Variants in ANK3 observed in about 807,000 individuals in gnomAD.
ANK3 encodes the protein ankyrin-3.
ANK3 carries 57 observed loss-of-function variants against 370.9 expected under a neutral mutation model. The ratio of observed to expected loss-of-function variants is 0.15; its 90% CI spans 0.12 to 0.19. The LOEUF is 0.19. Ranked by LOEUF, ANK3 falls within the 10% of genes least tolerant of loss-of-function variation. The probability of loss-of-function intolerance (pLI) is 1.00; values close to 1 mark genes in which losing one functional copy is unlikely to be tolerated. For synonymous variants in ANK3, 1,929 were observed against 1,946.3 expected, an observed-to-expected ratio of 0.99 and a Z score of 0.23; for missense variants, 4,439 against 5,302.1, an observed-to-expected ratio of 0.84 and a Z score of 5.06.
intron 27 of ANK3, among the ~76,000 whole-genome samples, chr10:60,106,659 T>C (rs1029190284): frequency 5.9e-5 from 9 of 152,162 alleles, no homozygotes; most frequent in South Asian, 4.1e-4. Context: ...ATAACCTGCA[T>C]AGGAATACTT....
intron 25 of ANK3, among the ~76,000 whole-genome samples, chr10:60,117,925 T>G (rs561712624): frequency 6.6e-6 from 1 of 152,214 alleles, no homozygotes; most frequent in African/African-American, 2.4e-5. Context: ...AAATTACAAC[T>G]GTTTGCGGAA....
At chr10:60,323,008 A>G (rs144015089) in intron 1 of ANK3, among the ~76,000 whole-genome samples, 1 of 152,228 alleles carries the variant, frequency 6.6e-6, no homozygotes, top group African/African-American at 2.4e-5. Flanking sequence ...TGCCCATTTG[A>G]CATCTATCTT....
At chr10:60,352,271 G>T (rs1053813936) in intron 1 of ANK3, among the ~76,000 whole-genome samples, 9 of 152,190 alleles carry the variant, frequency 5.9e-5, no homozygotes, top group Non-Finnish European at 2.9e-5. Flanking sequence ...ACTCCATCCA[G>T]CCTGGGTGAC....
intron 7 of ANK3, among the ~76,000 whole-genome samples, chr10:60,237,006 G>A (rs2097343846): frequency 6.6e-6 from 1 of 152,226 alleles, no homozygotes; most frequent in Admixed American, 6.5e-5. Flanking sequence ...GATTTGGCCT[G>A]TGGGCAGTGG....
In ANK3 at chr10:60,389,288, T is replaced by C. The variant is rs545067165; in HGVS notation, c.114+137A>G. 55 of 787,852 alleles carry C rather than the reference T, an allele frequency of 7.0e-5. 2 individuals carry two copies. In the South Asian group the frequency reaches 1.0e-3, roughly 14 times the overall value. 48.8% of individuals were successfully genotyped at this position (787,852 alleles called of 1,614,324 possible). A position where few individuals can be genotyped will look rare whatever the true frequency, so the allele number is the denominator to read the frequency against. ...CCATGTTCTGCCATAGGGTTTATCA[T>C]CTGTTCCCAATTTACACACCCAATT... is the stretch of plus-strand genomic sequence containing the variant. On this transcript the variant is annotated intron_variant, in intron 1 of 43. Coordinates refer to ENST00000280772, the MANE Select transcript of ANK3 (RefSeq NM_020987.5).
chr10:60,204,241 T>G (rs2096727374), intron 11 of ANK3, among the ~76,000 whole-genome samples: 1 of 152,206 alleles, frequency 6.6e-6, no homozygotes, highest in Non-Finnish European at 1.5e-5. Context: ...GGGGGAGTAG[T>G]TAGAGCTTGT....
chr10:60,577,690 CTTT>C (rs2077700313), intron 2 of ANK3, among the ~76,000 whole-genome samples: 2 of 152,084 alleles, frequency 1.3e-5, no homozygotes, highest in African/African-American at 4.8e-5. Flanking sequence ...TCAGGTGTGT[CTTT>C]ATCAGCAGCA....
chr10:60,559,907 G>C (rs535545481), intron 2 of ANK3, among the ~76,000 whole-genome samples: 24 of 152,076 alleles, frequency 1.6e-4, no homozygotes, highest in African/African-American at 5.6e-4. Context: ...GCCAGGTATG[G>C]TAGTGGGTGC....
chr10:60,574,599 G>A (rs2077659991), intron 2 of ANK3, among the ~76,000 whole-genome samples: 1 of 152,282 alleles, frequency 6.6e-6, no homozygotes, highest in South Asian at 2.1e-4. Context: ...TTCAACCCTT[G>A]CTCATCTTCA....
At position 60,086,648 on chromosome 10, in the gene ANK3, T is replaced by C. The variant is rs954108050; in HGVS notation, c.3748+29A>G. On this transcript the variant is annotated intron_variant, in intron 30 of 43. Transcript: ENST00000280772. ...TTTGTACACAATCTTTGTGAATCAA[T>C]AGGAAGTACAGCAGTGACTTAACCA... 4.5e-6 allele frequency: 7 copies of C among 1,563,634 alleles called. No homozygotes were observed. The East Asian group carries it at 1.4e-4, about 30-fold the overall frequency.
At chr10:60,062,924 A>G in intron 40 of ANK3, 187 bp downstream of exon 40, 1 of 541,212 alleles carries the variant, frequency 1.8e-6, no homozygotes, top group Non-Finnish European at 3.2e-6. Context: ...TTTATATTGT[A>G]TATAAACAGA....
At chr10:60,052,987 T>C (rs1209922544) in intron 42 of ANK3, among the ~76,000 whole-genome samples, 2 of 152,218 alleles carry the variant, frequency 1.3e-5, no homozygotes, top group Non-Finnish European at 2.9e-5. Flanking sequence ...CTATCAGCCT[T>C]GACTTTACAG....
intron 42 of ANK3, chr10:60,044,351 A>G: frequency 1.0e-6 from 1 of 982,700 alleles, no homozygotes; most frequent in Non-Finnish European, 1.2e-6. Context: ...TCCTCTCCCT[A>G]AAGGATGTGG....
At chr10:60,420,827 C>G (rs1448790611) in intron 2 of ANK3, among the ~76,000 whole-genome samples, 1 of 151,998 alleles carries the variant, frequency 6.6e-6, no homozygotes, top group African/African-American at 2.4e-5. Flanking sequence ...AAGAATTACC[C>G]TATTACCTAG....
chr10:60,076,653 T>TAA (rs79399723), intron 36 of ANK3, among the ~76,000 whole-genome samples: 10,836 of 95,170 alleles, frequency 0.11, 540 homozygotes, highest in Non-Finnish European at 0.16. Flanking sequence ...AATCTGAAGT[T>TAA]AAAAAAAAAC....
At chr10:60,647,512 C>CATATTTTAAATATAACAAATATTTAAAA (rs1231953024) in intron 1 of ANK3, among the ~76,000 whole-genome samples, 1 of 151,594 alleles carries the variant, frequency 6.6e-6, no homozygotes, top group African/African-American at 2.4e-5. Context: ...TTAAAATGCC[C>CATATTTTAAATATAACAAATATTTAAAA]TATAACAAAA....
At chr10:60,588,833 C>T (rs1336956982) in intron 2 of ANK3, among the ~76,000 whole-genome samples, 1 of 152,050 alleles carries the variant, frequency 6.6e-6, no homozygotes, top group Non-Finnish European at 1.5e-5. Flanking sequence ...TGGCTTAAAC[C>T]CAGGATGTTG....
intron 2 of ANK3, among the ~76,000 whole-genome samples, chr10:60,497,702 C>T (rs576000017): frequency 7.2e-5 from 11 of 152,266 alleles, no homozygotes; most frequent in African/African-American, 2.6e-4. Flanking sequence ...ATTTGATTGG[C>T]ACTGTAGCCA....
chr10:60,367,914 G>A (rs1371249879), intron 1 of ANK3, among the ~76,000 whole-genome samples: 2 of 152,186 alleles, frequency 1.3e-5, no homozygotes, highest in African/African-American at 4.8e-5. Flanking sequence ...GTGTTTTCAA[G>A]AGAAGGGGGA....
Sources: allele counts gnomAD v4.1 joint callset (sites outside exome capture counted in the v4.1 genomes callset), GRCh38; gene constraint gnomAD v4.1.1; transcripts MANE v1.5; gene names NCBI Gene and HGNC (gene_info 2026-07-23, HGNC 2026-07-21).